Variants in NRXN3 observed in about 807,000 individuals in gnomAD.
NRXN3 encodes neurexin III.
A neutral mutation model predicts 137.6 loss-of-function variants in NRXN3; 32 were observed. The ratio of observed to expected loss-of-function variants is 0.23; its 90% CI spans 0.18 to 0.31. The LOEUF (loss-of-function observed/expected upper bound fraction) is 0.31. Ranked by LOEUF, NRXN3 falls within the 10% of genes least tolerant of loss-of-function variation. The pLI is 1.00. For synonymous variants in NRXN3, 798 were observed against 784.5 expected (o/e 1.02, Z -0.29); for missense variants, 1,574 against 2,062.5 (o/e 0.76, Z 4.59).
At chr14:78,410,790 G>A (rs556205200) in intron 4 of NRXN3, among the ~76,000 whole-genome samples, 71 of 152,306 alleles carry the variant, frequency 4.7e-4, no homozygotes, top group Non-Finnish European at 7.5e-4. Flanking sequence ...TTAAAACTCC[G>A]CAGGAGGGAT....
intron 2 of NRXN3, among the ~76,000 whole-genome samples, chr14:78,252,756 G>T (rs1567085636): frequency 6.6e-6 from 1 of 152,194 alleles, no homozygotes; most frequent in Non-Finnish European, 1.5e-5. Context: ...GAAATGTGTT[G>T]CCTGCAGCTC....
At chr14:79,454,325 A>G (rs1463658594) in intron 15 of NRXN3, among the ~76,000 whole-genome samples, 1 of 151,960 alleles carries the variant, frequency 6.6e-6, no homozygotes, top group Admixed American at 6.6e-5. Context: ...CTTGTGATCC[A>G]CCTGCCTAGG....
Position 79,389,001 on chromosome 14 carries a change from G to A in NRXN3, c.3263-78220G>A, listed in dbSNP as rs200799822. ...CTTAGCCTTCTGCCATGATTGTGAG[G>A]CCTCTCCAGCTATGTGGAACTGTGA... On this transcript the variant is annotated intron_variant, in intron 15 of 20. Coordinates refer to ENST00000335750, the MANE Select transcript of NRXN3 (RefSeq NM_001330195.2). Among the ~76,000 whole-genome samples the A allele has an allele frequency of 2.6e-5, 4 of 152,088 alleles. No individual in the cohort carries two copies. In the East Asian group the frequency reaches 5.8e-4, roughly 22 times the overall value.
At chr14:79,632,287 C>T (rs956796960) in intron 16 of NRXN3, 3 of 156,196 alleles carry the variant, frequency 1.9e-5, no homozygotes, top group African/African-American at 7.2e-5. Flanking sequence ...CCGCGAGGGT[C>T]CACGGCTTCA....
intron 4 of NRXN3, among the ~76,000 whole-genome samples, chr14:78,301,751 AC>A (rs1297222796): frequency 6.6e-6 from 1 of 152,176 alleles, no homozygotes; most frequent in Non-Finnish European, 1.5e-5. Flanking sequence ...ATTCAGTGAC[AC>A]GTCTGTGAGA....
intron 15 of NRXN3, among the ~76,000 whole-genome samples, chr14:79,009,706 A>T (rs2099567882): frequency 6.6e-6 from 1 of 152,128 alleles, no homozygotes; most frequent in Non-Finnish European, 1.5e-5. Flanking sequence ...TAAACAGAAA[A>T]GGGTAGTTTG....
chr14:78,719,072 C>T (rs1417881347), intron 8 of NRXN3, among the ~76,000 whole-genome samples: 1 of 152,164 alleles, frequency 6.6e-6, no homozygotes, highest in Non-Finnish European at 1.5e-5. Flanking sequence ...CATCAAGTTC[C>T]AGCAAGGCAA....
intron 19 of NRXN3, among the ~76,000 whole-genome samples, chr14:79,782,643 T>C (rs1173896998): frequency 6.6e-6 from 1 of 152,184 alleles, no homozygotes; most frequent in Non-Finnish European, 1.5e-5. Flanking sequence ...GCATGATAGA[T>C]ATAAAATCTT....
chr14:79,712,051 T>C (rs988513181), intron 19 of NRXN3, among the ~76,000 whole-genome samples: 1 of 152,156 alleles, frequency 6.6e-6, no homozygotes, highest in African/African-American at 2.4e-5. Flanking sequence ...CTTTGTTTTC[T>C]GAAAACGCAG....
chr14:78,897,700 T>G (rs2099181706), intron 10 of NRXN3, among the ~76,000 whole-genome samples: 1 of 151,912 alleles, frequency 6.6e-6, no homozygotes, highest in South Asian at 2.1e-4. Context: ...GCATTACACA[T>G]TTATCCCAAG....
chr14:78,778,696 TTC>T (rs1271949268), intron 8 of NRXN3, among the ~76,000 whole-genome samples: 152 of 147,234 alleles, frequency 1.0e-3, no homozygotes, highest in South Asian at 1.6e-3. Flanking sequence ...CTTTCTTTCT[TTC>T]TTTCTTTCTT....
intron 14 of NRXN3, among the ~76,000 whole-genome samples, chr14:78,969,924 A>G (rs1187083976): frequency 6.6e-6 from 1 of 151,534 alleles, no homozygotes; most frequent in African/African-American, 2.4e-5. Flanking sequence ...GAAATGAACA[A>G]TTTCATTCAA....
chr14:79,613,360 T>C (rs1317807436), intron 16 of NRXN3, among the ~76,000 whole-genome samples: 1 of 152,228 alleles, frequency 6.6e-6, no homozygotes, highest in Non-Finnish European at 1.5e-5. Context: ...GTGTGTAAGA[T>C]TTGCTCAGAT....
chr14:78,939,901 C>T (rs2099349726), intron 10 of NRXN3, among the ~76,000 whole-genome samples: 1 of 152,226 alleles, frequency 6.6e-6, no homozygotes. Flanking sequence ...GCTCCCTACG[C>T]TTTAATCCAT....
chr14:78,591,587 C>T (rs903315786), intron 4 of NRXN3, among the ~76,000 whole-genome samples: 9 of 152,100 alleles, frequency 5.9e-5, no homozygotes, highest in African/African-American at 1.9e-4. Context: ...TTCTATGATG[C>T]GATGTTTCTG....
chr14:78,859,428 G>C (rs1373592341), intron 10 of NRXN3, among the ~76,000 whole-genome samples: 1 of 152,144 alleles, frequency 6.6e-6, no homozygotes, highest in Non-Finnish European at 1.5e-5. Context: ...TCCAAGATGT[G>C]ATTCTCTAGA....
intron 16 of NRXN3, among the ~76,000 whole-genome samples, chr14:79,564,452 A>G (rs116193712): frequency 4.2e-4 from 64 of 152,262 alleles, no homozygotes; most frequent in East Asian, 1.7e-3. Context: ...TATTTATGAA[A>G]AGGCCAAGAT....
At chr14:79,528,213 A>G (rs1195046046) in intron 16 of NRXN3, among the ~76,000 whole-genome samples, 2 of 152,208 alleles carry the variant, frequency 1.3e-5, no homozygotes, top group Non-Finnish European at 2.9e-5. Flanking sequence ...TAAGTGCCCA[A>G]TAATATCAGA....
chr14:78,376,011 C>G (rs2087761185), intron 4 of NRXN3, among the ~76,000 whole-genome samples: 1 of 148,864 alleles, frequency 6.7e-6, no homozygotes, highest in Admixed American at 6.7e-5. Context: ...GATACACACA[C>G]ACACACACAT....
Sources: gnomAD v4.1 joint callset for allele counts (sites outside exome capture counted in the v4.1 genomes callset) on GRCh38, gnomAD v4.1.1 for gene constraint, MANE v1.5 for transcripts, NCBI Gene and HGNC (gene_info 2026-07-23, HGNC 2026-07-21) for gene names.